The following CDYL variants were observed in gnomAD, a reference collection of about 807,000 sequenced individuals.
CDYL encodes the protein chromodomain Y-like protein.
In CDYL, 8 loss-of-function variants were observed where a neutral mutation model predicts 47.3. The ratio of observed to expected loss-of-function variants is 0.17; its 90% CI spans 0.10 to 0.31. The LOEUF (loss-of-function observed/expected upper bound fraction) is 0.31. Ranked by LOEUF, CDYL falls within the 10% of genes least tolerant of loss-of-function variation. The pLI, the probability that CDYL is intolerant of heterozygous loss-of-function variation, is 1.00. For missense variants in CDYL, 471 were observed against 701.4 expected (o/e 0.67, Z 3.71); for synonymous variants, 266 against 265.0 (o/e 1.00, Z -0.04).
At chr6:4,881,186 G>T (rs950514098) in intron 1 of CDYL, among the ~76,000 whole-genome samples, 6 of 151,906 alleles carry the variant, frequency 3.9e-5, no homozygotes, top group Non-Finnish European at 5.9e-5. Flanking sequence ...GGTTTGATTT[G>T]GGTCTAGTGT....
chr6:4,712,530 A>T (rs979921118), intron 1 of CDYL, among the ~76,000 whole-genome samples: 2 of 151,980 alleles, frequency 1.3e-5, no homozygotes, highest in Admixed American at 6.6e-5. Context: ...GGGGAGGGCC[A>T]CCTCCCACCC....
chr6:4,724,187 T>TGC (rs1405579626), intron 2 of CDYL, among the ~76,000 whole-genome samples: 1 of 152,032 alleles, frequency 6.6e-6, no homozygotes, highest in Admixed American at 6.5e-5. Flanking sequence ...ACCACAGGCA[T>TGC]GTGCCATCAC....
chr6:4,784,450 C>T (rs1340164713), intron 1 of CDYL, among the ~76,000 whole-genome samples: 2 of 152,148 alleles, frequency 1.3e-5, no homozygotes, highest in Non-Finnish European at 2.9e-5. Context: ...GAATTTGTGA[C>T]ATGAGCAGGG....
At chr6:4,902,867 TG>T (rs1313581107) in intron 2 of CDYL, among the ~76,000 whole-genome samples, 1 of 152,158 alleles carries the variant, frequency 6.6e-6, no homozygotes, top group Non-Finnish European at 1.5e-5. Context: ...TAAAATCGGA[TG>T]TTTTTAAAAT....
At chr6:4,720,484 ATATTTGGAAAATAATAT>A (rs1310346056) in intron 2 of CDYL, among the ~76,000 whole-genome samples, 1 of 152,214 alleles carries the variant, frequency 6.6e-6, no homozygotes, top group Non-Finnish European at 1.5e-5. Context: ...ATAAGGTCTT[ATATTTGGAAAATAATAT>A]TAACAACCAT....
intron 3 of CDYL, among the ~76,000 whole-genome samples, chr6:4,747,702 A>G (rs191100438): frequency 9.3e-4 from 142 of 152,342 alleles, no homozygotes; most frequent in African/African-American, 3.1e-3. Context: ...AAAGGGAACT[A>G]GAACTGTTTC....
chr6:4,802,883 C>A (rs1017972092), intron 1 of CDYL, among the ~76,000 whole-genome samples: 8 of 152,146 alleles, frequency 5.3e-5, no homozygotes, highest in African/African-American at 1.9e-4. Flanking sequence ...TTTCCGGCAT[C>A]TCACTAAGTA....
intron 1 of CDYL, among the ~76,000 whole-genome samples, chr6:4,835,938 A>G (rs928693948): frequency 1.3e-5 from 2 of 152,202 alleles, no homozygotes; most frequent in African/African-American, 4.8e-5. Context: ...AGAAAAGCGC[A>G]GTATTCGGGT....
intron 1 of CDYL, among the ~76,000 whole-genome samples, chr6:4,845,419 T>C (rs1451585697): frequency 6.6e-6 from 1 of 152,238 alleles, no homozygotes; most frequent in Admixed American, 6.5e-5. Flanking sequence ...GAAGTATTCT[T>C]AACTTTAGTT....
At chr6:4,715,220 T>G (rs1395774056) in intron 1 of CDYL, among the ~76,000 whole-genome samples, 1 of 152,200 alleles carries the variant, frequency 6.6e-6, no homozygotes. Context: ...CTTCCTGCTT[T>G]CAGACCTTTT....
chr6:4,740,840 G>A (rs1392926839), intron 3 of CDYL, among the ~76,000 whole-genome samples: 2 of 151,022 alleles, frequency 1.3e-5, no homozygotes, highest in South Asian at 2.1e-4. Flanking sequence ...AGGCTGGAGT[G>A]CAGTGGTGTG....
At chr6:4,942,908 T>C (rs1758402920) in intron 4 of CDYL, among the ~76,000 whole-genome samples, 1 of 152,246 alleles carries the variant, frequency 6.6e-6, no homozygotes, top group African/African-American at 2.4e-5. Flanking sequence ...TTTGCTCTTC[T>C]TGTTTGCAGG....
In CDYL at chr6:4,895,464, C is replaced by CGT. The variant is rs1561694101; in HGVS notation, c.691+3085_691+3086insGT. On this transcript the variant is annotated intron_variant, in intron 2 of 6. Coordinates refer to ENST00000397588, the MANE Select transcript of CDYL (RefSeq NM_004824.4). ...GTATATATGCATATATACATGTATA[C>CGT]ATATATACGTATATATGTATATATA... is the stretch of plus-strand genomic sequence containing the variant. Among the ~76,000 whole-genome samples the CGT allele has an allele frequency of 2.4e-3, 10 of 4,210 alleles. 4 individuals are homozygous for CGT. The highest frequency in any genetic ancestry group is 2.5e-3 in the African/African-American group (10 of 4,038). 2.8% of individuals were successfully genotyped at this position (4,210 alleles called of 152,430 possible). A position where few individuals can be genotyped will look rare whatever the true frequency, so the allele number is the denominator to read the frequency against.
intron 2 of CDYL, among the ~76,000 whole-genome samples, chr6:4,931,150 T>C (rs1394031492): frequency 2.0e-5 from 3 of 152,198 alleles, no homozygotes; most frequent in Non-Finnish European, 4.4e-5. Flanking sequence ...GAAGACCCTT[T>C]CCATGAGTTT....
At chr6:4,776,865 GC>G in intron 1 of CDYL, 58 bp downstream of exon 1, 1 of 780,964 alleles carries the variant, frequency 1.3e-6, no homozygotes, top group South Asian at 5.5e-5. Flanking sequence ...TCCCGGCCCG[GC>G]CGCGCCGCCC....
chr6:4,861,084 G>A (rs1316268786), intron 1 of CDYL, among the ~76,000 whole-genome samples: 1 of 152,152 alleles, frequency 6.6e-6, no homozygotes, highest in African/African-American at 2.4e-5. Flanking sequence ...GTTCATTAAC[G>A]GCAGTTACTT....
intron 2 of CDYL, among the ~76,000 whole-genome samples, chr6:4,717,351 C>T (rs553507109): frequency 1.4e-4 from 21 of 152,290 alleles, no homozygotes; most frequent in East Asian, 3.9e-4. Flanking sequence ...TGTTCTGCTG[C>T]AGCTGGCTCA....
intron 4 of CDYL, among the ~76,000 whole-genome samples, chr6:4,938,736 G>C (rs564976463): frequency 1.6e-4 from 24 of 152,132 alleles, no homozygotes; most frequent in African/African-American, 3.9e-4. Flanking sequence ...ATTTAGTTCT[G>C]TTGTTGCTTT....
chr6:4,858,271 A>G (rs1469311706), intron 1 of CDYL, among the ~76,000 whole-genome samples: 1 of 152,098 alleles, frequency 6.6e-6, no homozygotes, highest in African/African-American at 2.4e-5. Context: ...AGGAAGGGAA[A>G]CTCGGAAAAA....
Sources: gnomAD v4.1 joint callset for allele counts (sites outside exome capture counted in the v4.1 genomes callset) on GRCh38, gnomAD v4.1.1 for gene constraint, MANE v1.5 for transcripts, NCBI Gene and HGNC (gene_info 2026-07-23, HGNC 2026-07-21) for gene names.